The following SLFN12L variants were observed in gnomAD, a reference collection of about 807,000 sequenced individuals.
The protein encoded by SLFN12L is schlafen family member 12-like.
Under a neutral mutation model 34.8 loss-of-function variants are expected in SLFN12L, and 34 were observed. The ratio of observed to expected loss-of-function variants is 0.98; its 90% CI spans 0.74 to 1.30. The LOEUF is 1.30. SLFN12L is among the 50% of genes most tolerant of loss of function. The pLI, the probability that SLFN12L is intolerant of heterozygous loss-of-function variation, is 0.00. For missense variants in SLFN12L, 703 were observed against 696.2 expected (o/e 1.01, Z -0.11); for synonymous variants, 259 against 247.5 (o/e 1.05, Z -0.44).
intron 2 of SLFN12L, among the ~76,000 whole-genome samples, chr17:35,505,160 A>G (rs1915425748): frequency 5.9e-5 from 9 of 152,208 alleles, no homozygotes. Flanking sequence ...GATTGGATAA[A>G]CTACATCTGT....
chr17:35,491,005 T>C lies in SLFN12L; in HGVS notation c.87-10810A>G, dbSNP rs143559744. On this transcript the variant is annotated intron_variant, in intron 2 of 4. Coordinates refer to ENST00000628453, the MANE Select transcript of SLFN12L (RefSeq NM_001363830.2). Reference sequence around the variant, plus strand: ...GCTCAATTTCTATGGGAAACCTTTCTCCTCCGGCCTCCCCAGCCAACCTCT... The same window carrying C: ...GCTCAATTTCTATGGGAAACCTTTCCCCTCCGGCCTCCCCAGCCAACCTCT... The C allele has an allele frequency of 1.0e-3, 798 of 787,726 alleles. 2 individuals are homozygous for C. Among genetic ancestry groups the C allele is most frequent in the Non-Finnish European group, 1.7e-3 (733 of 426,056 alleles). 48.8% of individuals were successfully genotyped at this position (787,726 alleles called of 1,614,324 possible).
chr17:35,510,612 A>G (rs1056058213), intron 2 of SLFN12L, among the ~76,000 whole-genome samples: 4 of 152,204 alleles, frequency 2.6e-5, no homozygotes, highest in Non-Finnish European at 4.4e-5. Context: ...AATGAGAGTG[A>G]GCGCTAATGG....
chr17:35,527,571 C>T (rs972864325), intron 1 of SLFN12L, among the ~76,000 whole-genome samples: 2 of 152,110 alleles, frequency 1.3e-5, no homozygotes, highest in African/African-American at 2.4e-5. Flanking sequence ...TAAACGTAAT[C>T]CATCACATAA....
rs893440925 is a variant in SLFN12L, at chr17:35,501,728, C to T, written c.86+20551G>A. Among the ~76,000 whole-genome samples the T allele has an allele frequency of 2.0e-5, 3 of 152,086 alleles. No homozygotes were observed. The South Asian group carries it at 6.2e-4, about 31-fold the overall frequency. On this transcript the variant is annotated intron_variant, in intron 2 of 4. Transcript: ENST00000628453. ...ACTATGACACCAGGAAAACTTAAAA[C>T]TTTGTGTAAGGTAGACTGGCCAGCA...
At chr17:35,533,852 G>C (rs577393555) in intron 1 of SLFN12L, among the ~76,000 whole-genome samples, 1 of 152,012 alleles carries the variant, frequency 6.6e-6, no homozygotes, top group Non-Finnish European at 1.5e-5. Context: ...AGGCCGAGGC[G>C]GGCAGATCAC....
chr17:35,498,197 C>CCGCCTGGGGAGCCGGGGA, intron 2 of SLFN12L: 1 of 698,364 alleles, frequency 1.4e-6, no homozygotes. Context: ...GGAGCCGGGG[C>CCGCCTGGGGAGCCGGGGA]CGCCTGGGAT....
At chr17:35,523,678 G>T (rs1017622693) in intron 1 of SLFN12L, among the ~76,000 whole-genome samples, 6 of 152,196 alleles carry the variant, frequency 3.9e-5, no homozygotes, top group African/African-American at 1.2e-4. Flanking sequence ...GCTCACTCCT[G>T]TAATCCTAGC....
intron 1 of SLFN12L, among the ~76,000 whole-genome samples, chr17:35,530,362 A>AAAGAAAGG (rs2072380323): frequency 1.2e-5 from 1 of 84,924 alleles, no homozygotes; most frequent in Non-Finnish European, 2.2e-5. Flanking sequence ...AAAGAGAAAG[A>AAAGAAAGG]AAGGAAGGAA....
intron 1 of SLFN12L, among the ~76,000 whole-genome samples, chr17:35,527,148 A>G (rs1296902600): frequency 2.6e-5 from 4 of 152,194 alleles, no homozygotes; most frequent in African/African-American, 9.7e-5. Context: ...GGCCCTCCCA[A>G]GTCTAAACCA....
chr17:35,479,675 C>T lies in SLFN12L; in HGVS notation c.607G>A (p.Glu203Lys). Reference sequence around the variant, plus strand: ...ACACAGGCCCTTTTTGCAGGGAATTCTGGTCTTAAATATGCTCTCCCTCCA... The same window carrying T: ...ACACAGGCCCTTTTTGCAGGGAATTTTGGTCTTAAATATGCTCTCCCTCCA... ...KTGGRAYLRP[E>K]FPAKRACVDV... Residue 203 changes from glutamate (E) to lysine (K), a missense_variant, in exon 3 of 5, where the codon GAA (glutamate) becomes AAA (lysine). Transcript: ENST00000628453. The T allele has an allele frequency of 6.2e-7, 1 of 1,612,528 alleles. No individual in the cohort carries two copies. The highest frequency in any genetic ancestry group is 2.2e-5 in the East Asian group (1 of 44,840).
At chr17:35,490,506 T>C (rs6505477) in intron 2 of SLFN12L, 886,642 of 897,948 alleles carry the variant, frequency 0.99, 437,772 homozygotes, top group East Asian at 1. Context: ...AAGGCATCCA[T>C]CTCATTAAGA....
chr17:35,490,456 G>C (rs1914791405), intron 2 of SLFN12L: 2 of 1,033,442 alleles, frequency 1.9e-6, no homozygotes. Context: ...AGTGCTAAAA[G>C]TGCAAAATAG....
chr17:35,474,697 G>GGGT lies in SLFN12L; in HGVS notation c.*225_*226insACC, dbSNP rs1555538125. On this transcript the variant is annotated 3_prime_UTR_variant, in exon 5 of 5. Coordinates refer to ENST00000628453, the MANE Select transcript of SLFN12L (RefSeq NM_001363830.2). The stretch of plus-strand genomic sequence containing the variant: ...AGCACTTTGGGAGACCGGGGGGGGG[G>GGGT]GTTGAATCACGAGGTCAGGAGTTCA... 1,603 of 355,994 alleles carry GGGT rather than the reference G, an allele frequency of 4.5e-3. 22 individuals carry two copies. Among genetic ancestry groups the GGGT allele is most frequent in the African/African-American group, 0.027 (1,150 of 42,934 alleles). The allele number at this position is 355,994 out of a possible 1,614,324, so 22.1% of individuals were successfully genotyped here.
In SLFN12L at chr17:35,468,921, C is replaced by T. The variant is rs1019221176; in HGVS notation, c.*6002G>A. Among the ~76,000 whole-genome samples the T allele has an allele frequency of 1.3e-5, 2 of 152,114 alleles. No homozygotes were observed. The highest frequency in any genetic ancestry group is 4.8e-5 in the African/African-American group (2 of 41,410). ...GTCCCAGCTACTCAAGAGTCTGAGG[C>T]AGGAGAATCTCTTGATGTCGGGAGG... On this transcript the variant is annotated 3_prime_UTR_variant, in exon 5 of 5. Coordinates refer to ENST00000628453, the MANE Select transcript of SLFN12L (RefSeq NM_001363830.2).
intron 2 of SLFN12L, chr17:35,480,441 A>G: frequency 2.6e-6 from 1 of 382,024 alleles, no homozygotes; most frequent in Non-Finnish European, 4.6e-6. Flanking sequence ...TCTTGTCTTT[A>G]TGTGTTCGTT....
At position 35,501,980 on chromosome 17, in the gene SLFN12L, A is replaced by G. The variant is rs138745577; in HGVS notation, c.86+20299T>C. 2.3e-3 allele frequency among the ~76,000 whole-genome samples: 348 copies of G among 152,150 alleles called. 2 individuals carry two copies. The highest frequency in any genetic ancestry group is 8.1e-3 in the African/African-American group (335 of 41,496). Reference sequence around the variant, plus strand: ...GAGAAAGGAAGAGACAGAGAGACAAAGAGGGAGTCAAGAAGAGAGAGAGAG... The same window carrying G: ...GAGAAAGGAAGAGACAGAGAGACAAGGAGGGAGTCAAGAAGAGAGAGAGAG... On this transcript the variant is annotated intron_variant, in intron 2 of 4. Coordinates refer to ENST00000628453, the MANE Select transcript of SLFN12L (RefSeq NM_001363830.2).
At chr17:35,515,845 T>C (rs1001520895) in intron 2 of SLFN12L, among the ~76,000 whole-genome samples, 32 of 152,046 alleles carry the variant, frequency 2.1e-4, no homozygotes, top group African/African-American at 6.8e-4. Context: ...GGTTTCACTA[T>C]GTTGGCCAGG....
Position 35,479,202 on chromosome 17 carries a change from CT to C in SLFN12L, c.1079del (p.Lys360SerfsTer7), listed in dbSNP as rs768314120. On this transcript the variant is annotated frameshift_variant, in exon 3 of 5. Transcript: ENST00000628453. LOFTEE classifies it high-confidence loss of function. ...ERFCCAVFAK[K>X]PDSWHVKDNR... Reference sequence around the variant, plus strand: ...TATCTTTCACGTGCCAGGAATCAGGCTTTTTAGCAAACACTGCACAGCAGAA... The same window carrying C: ...TATCTTTCACGTGCCAGGAATCAGGCTTTTAGCAAACACTGCACAGCAGAA... The C allele has an allele frequency of 4.4e-6, 7 of 1,582,884 alleles. No individual in the cohort carries two copies. The highest frequency in any genetic ancestry group is 5.2e-6 in the Non-Finnish European group (6 of 1,162,910).
rs1916035116 is a variant in SLFN12L at position 35,522,710 on chromosome 17, G to C, written c.-346C>G. The C allele has an allele frequency of 6.2e-7, 1 of 1,614,068 alleles. No homozygotes were observed. The highest frequency in any genetic ancestry group is 1.3e-5 in the African/African-American group (1 of 74,932). On this transcript the variant is annotated 5_prime_UTR_variant, in exon 2 of 5. Transcript: ENST00000628453. ...CCAGTGTAGCCCCCCATGTTCACCA[G>C]CTTCTGCTTCAAAGTAAGGGCAGTG... is the stretch of plus-strand genomic sequence containing the variant.
Sources: allele counts gnomAD v4.1 joint callset (sites outside exome capture counted in the v4.1 genomes callset), GRCh38; gene constraint gnomAD v4.1.1; transcripts MANE v1.5; gene names NCBI Gene and HGNC (gene_info 2026-07-23, HGNC 2026-07-21).